Variants in MRPS23 observed in about 807,000 individuals in gnomAD.
MRPS23 encodes small ribosomal subunit protein mS23.
MRPS23 carries 14 observed loss-of-function variants against 19.8 expected under a neutral mutation model. That is an observed-to-expected ratio of 0.71 (90% CI 0.47 to 1.11). The LOEUF is 1.11. MRPS23 is among the 50% of genes least tolerant of loss of function. The probability of loss-of-function intolerance (pLI) is 0.00; values close to 1 mark genes in which losing one functional copy is unlikely to be tolerated. For missense variants in MRPS23, 242 were observed against 236.7 expected (o/e 1.02, Z -0.15); for synonymous variants, 113 against 89.7 (o/e 1.26, Z -1.47).
intron 4 of MRPS23, 92 bp from the exon 5 acceptor site, chr17:57,840,027 G>A: frequency 6.8e-7 from 1 of 1,460,122 alleles, no homozygotes; most frequent in East Asian, 2.3e-5. Flanking sequence ...TTCTGTCACT[G>A]AGTGAAAAAT....
chr17:57,843,369 A>G (rs1051185653), intron 2 of MRPS23, among the ~76,000 whole-genome samples: 12 of 152,276 alleles, frequency 7.9e-5, no homozygotes, highest in African/African-American at 2.9e-4. Context: ...TTATAGTTTT[A>G]ATTTGCTTTT....
Position 57,839,475 on chromosome 17 carries a change from G to T in MRPS23, c.*308C>A. On this transcript the variant is annotated 3_prime_UTR_variant, in exon 5 of 5. Coordinates refer to ENST00000313608, the MANE Select transcript of MRPS23 (RefSeq NM_016070.4). ...ACTAACAAACATCAAAGCAAGCCTAGTCAGATTGAGTCCCATTTGAACAAT... is the reference window on the plus strand; with the variant it reads ...ACTAACAAACATCAAAGCAAGCCTATTCAGATTGAGTCCCATTTGAACAAT... 4.8e-6 allele frequency: 1 copy of T among 210,420 alleles called. No homozygotes were observed. The highest frequency in any genetic ancestry group is 9.6e-6 in the Non-Finnish European group (1 of 104,240). The allele number at this position is 210,420 out of a possible 1,614,324, so 13.0% of individuals were successfully genotyped here.
intron 2 of MRPS23, among the ~76,000 whole-genome samples, chr17:57,848,243 C>T (rs532528476): frequency 6.6e-6 from 1 of 151,562 alleles, no homozygotes; most frequent in African/African-American, 2.4e-5. Context: ...TTTATGCTTT[C>T]TTTGTGTATC....
rs1179804268 is a variant in MRPS23, at chr17:57,835,982, CTCTCT to C, written c.*3796_*3800del. ...TTTTTTTTTTTTTTTGAGACAGTGT[CTCTCT>C]TCTGTCGCCCAGGCTGGGGTGCTGT... On this transcript the variant is annotated 3_prime_UTR_variant, in exon 5 of 5. Coordinates refer to ENST00000313608, the MANE Select transcript of MRPS23 (RefSeq NM_016070.4). The C allele has an allele frequency of 2.2e-5, 3 of 138,518 alleles. No individual in the cohort carries two copies. The highest frequency in any genetic ancestry group is 4.6e-5 in the Non-Finnish European group (3 of 65,626). 8.6% of individuals were successfully genotyped at this position (138,518 alleles called of 1,614,324 possible). A position where few individuals can be genotyped will look rare whatever the true frequency, so the allele number is the denominator to read the frequency against.
chr17:57,849,482 A>C (rs1044666958), intron 1 of MRPS23, 72 bp from the exon 2 acceptor site: 8 of 1,545,384 alleles, frequency 5.2e-6, no homozygotes, highest in Admixed American at 1.9e-5. Context: ...AGTCTAGCAC[A>C]GTTTGGGACA....
At chr17:57,844,349 G>A (rs898223352) in intron 2 of MRPS23, among the ~76,000 whole-genome samples, 43 of 150,730 alleles carry the variant, frequency 2.9e-4, no homozygotes, top group Non-Finnish European at 3.4e-4. Context: ...GGGCCACAAA[G>A]ATAAAGGTTC....
In MRPS23 at chr17:57,849,294, C is replaced by G. The variant is rs1304383809; in HGVS notation, c.161G>C (p.Gly54Ala). The G allele has an allele frequency of 6.2e-7, 1 of 1,614,212 alleles. No homozygotes were observed. Among genetic ancestry groups the G allele is most frequent in the South Asian group, 1.1e-5 (1 of 91,090 alleles). The change falls in exon 2 of 5, where the codon GGC (glycine) becomes GCC (alanine). Residue 54 changes from glycine (G) to alanine (A), a missense_variant. Physicochemically the swap from Gly to Ala is moderately conservative, Grantham distance 60. Coordinates refer to ENST00000313608, the MANE Select transcript of MRPS23 (RefSeq NM_016070.4). ...GTCTTGGATGGGAGCTTTGGCTTTG[C>G]CATATCGCACTCGAGGCCTTTGGAA... The part of the protein sequence containing the change: ...PVFQRPRVRY[G>A]KAKAPIQDIW...
At chr17:57,843,268 CAA>C (rs11290064) in intron 2 of MRPS23, among the ~76,000 whole-genome samples, 533 of 138,228 alleles carry the variant, frequency 3.9e-3, no homozygotes, top group Admixed American at 3.7e-3. Flanking sequence ...GATCCTGCCT[CAA>C]AAAAAAAAAA....
At chr17:57,842,164 A>G (rs1423969534) in intron 2 of MRPS23, among the ~76,000 whole-genome samples, 1 of 152,176 alleles carries the variant, frequency 6.6e-6, no homozygotes, top group Non-Finnish European at 1.5e-5. Flanking sequence ...GGTTCGCAGC[A>G]CCACCATGCC....
At chr17:57,841,898 G>A (rs1413714321) in intron 2 of MRPS23, among the ~76,000 whole-genome samples, 1 of 152,208 alleles carries the variant, frequency 6.6e-6, no homozygotes, top group South Asian at 2.1e-4. Context: ...AGTAAGTGGA[G>A]AGCGCACCAT....
chr17:57,839,210 C>G lies in MRPS23; in HGVS notation c.*573G>C, dbSNP rs3785489. ...TTAACTGTCTCCAGCACACTCAATCCATGACATTAAAGTTACAGTTTTGGT... is the reference window on the plus strand; with the variant it reads ...TTAACTGTCTCCAGCACACTCAATCGATGACATTAAAGTTACAGTTTTGGT... On this transcript the variant is annotated 3_prime_UTR_variant, in exon 5 of 5. Coordinates refer to ENST00000313608, the MANE Select transcript of MRPS23 (RefSeq NM_016070.4). 0.17 allele frequency: 25,322 copies of G among 152,778 alleles called. 2,081 individuals carry two copies. Among genetic ancestry groups the G allele is most frequent in the Middle Eastern group, 0.21 (62 of 294 alleles). The allele number at this position is 152,778 out of a possible 1,614,324, so 9.5% of individuals were successfully genotyped here.
At chr17:57,840,834 A>G in intron 4 of MRPS23, 92 bp downstream of exon 4, 1 of 1,499,644 alleles carries the variant, frequency 6.7e-7, no homozygotes, top group Non-Finnish European at 9.0e-7. Context: ...ATCTGTGAAT[A>G]TTGGTATCTG....
At chr17:57,840,734 TATAA>T (rs1229416732) in intron 4 of MRPS23, 188 bp downstream of exon 4, 1 of 513,140 alleles carries the variant, frequency 1.9e-6, no homozygotes, top group Admixed American at 3.8e-5. Flanking sequence ...TGTTATGTAT[TATAA>T]ATGATTTAGA....
At chr17:57,842,889 TATACACACAC>T (rs1233907611) in intron 2 of MRPS23, among the ~76,000 whole-genome samples, 76 of 98,430 alleles carry the variant, frequency 7.7e-4, no homozygotes, top group South Asian at 1.9e-3. Flanking sequence ...AATATATATA[TATACACACAC>T]ACACACACAC....
rs567278145 is a variant in MRPS23, at chr17:57,839,918, G to C, written c.438C>G (p.His146Gln). The C allele has an allele frequency of 1.3e-5, 21 of 1,614,076 alleles. No homozygotes were observed. Among genetic ancestry groups the C allele is most frequent in the African/African-American group, 6.7e-5 (5 of 74,930 alleles). ...GEARTQHGGS[H>Q]VSRKSEHLSV... The stretch of plus-strand genomic sequence containing the variant: ...TCAAGTGTTCGGATTTCCGGGAAAC[G>C]TGACTACCTCCGTGTTGCTTAAAAG... The change falls in exon 5 of 5, where the codon CAC (histidine) becomes CAG (glutamine). Residue 146 changes from histidine (H) to glutamine (Q), a missense_variant. Coordinates refer to ENST00000313608, the MANE Select transcript of MRPS23 (RefSeq NM_016070.4).
intron 1 of MRPS23, chr17:57,849,707 C>A: frequency 1.7e-6 from 1 of 600,524 alleles, no homozygotes; most frequent in Non-Finnish European, 2.9e-6. Flanking sequence ...GCTCTTCCTC[C>A]CTTCCTCTTC....
Position 57,839,659 on chromosome 17 carries a change from A to AATAACTAAG in MRPS23, c.*123_*124insCTTAGTTAT. 1 of 1,243,218 alleles carries AATAACTAAG rather than the reference A, an allele frequency of 8.0e-7. No homozygotes were observed. Among genetic ancestry groups the AATAACTAAG allele is most frequent in the Non-Finnish European group, 1.1e-6 (1 of 917,650 alleles). The allele number at this position is 1,243,218 out of a possible 1,614,324, so 77.0% of individuals were successfully genotyped here. On this transcript the variant is annotated 3_prime_UTR_variant, in exon 5 of 5. Transcript: ENST00000313608. ...CTTTGTGACAACCCAGAAATAACTAAGAGAAGGCAAACATAATACCTTAGA... is the reference window on the plus strand; with the variant it reads ...CTTTGTGACAACCCAGAAATAACTAAATAACTAAGGAGAAGGCAAACATAATACCTTAGA...
Position 57,838,481 on chromosome 17 carries a change from A to G in MRPS23, c.*1302T>C, listed in dbSNP as rs1312712944. The G allele has an allele frequency of 6.6e-6, 1 of 152,078 alleles. No individual in the cohort carries two copies. The highest frequency in any genetic ancestry group is 2.4e-5 in the African/African-American group (1 of 41,414). The allele number at this position is 152,078 out of a possible 1,614,324, so 9.4% of individuals were successfully genotyped here. A position where few individuals can be genotyped will look rare whatever the true frequency, so the allele number is the denominator to read the frequency against. On this transcript the variant is annotated 3_prime_UTR_variant, in exon 5 of 5. Coordinates refer to ENST00000313608, the MANE Select transcript of MRPS23 (RefSeq NM_016070.4). ...GTTTAAAGAGATGAGTGACCCCTCA[A>G]TTGTTCCTCTGAGAATAGACTGTGT...
intron 2 of MRPS23, among the ~76,000 whole-genome samples, chr17:57,845,998 CAG>C (rs1386861290): frequency 6.6e-6 from 1 of 151,400 alleles, no homozygotes; most frequent in Non-Finnish European, 1.5e-5. Flanking sequence ...AAGGCCACAA[CAG>C]GGGCAGTATG....
Sources: allele counts gnomAD v4.1 joint callset (sites outside exome capture counted in the v4.1 genomes callset), GRCh38; gene constraint gnomAD v4.1.1; transcripts MANE v1.5; gene names NCBI Gene and HGNC (gene_info 2026-07-23, HGNC 2026-07-21).